The following FAT3 variants were observed in gnomAD, a reference collection of about 807,000 sequenced individuals.
FAT3 encodes the protein FAT atypical cadherin 3.
Under a neutral mutation model 310.2 loss-of-function variants are expected in FAT3, and 95 were observed. That is an observed-to-expected ratio of 0.31 (90% CI 0.26 to 0.36). FAT3 has a LOEUF of 0.36. FAT3 is among the 10% of genes least tolerant of loss of function. The probability of loss-of-function intolerance (pLI) is 1.00; values close to 1 mark genes in which losing one functional copy is unlikely to be tolerated. For synonymous variants in FAT3, 2,314 were observed against 2,192.9 expected, an observed-to-expected ratio of 1.06 and a Z score of -1.54; for missense variants, 5,408 against 5,715.6, an observed-to-expected ratio of 0.95 and a Z score of 1.74.
intron 1 of FAT3, among the ~76,000 whole-genome samples, chr11:92,228,312 TG>T (rs1864009984): frequency 6.6e-6 from 1 of 152,190 alleles, no homozygotes. Flanking sequence ...GGAGTCATTT[TG>T]GGGATTTTTT....
At chr11:92,491,296 C>G (rs1952591658) in intron 2 of FAT3, among the ~76,000 whole-genome samples, 1 of 152,020 alleles carries the variant, frequency 6.6e-6, no homozygotes, top group Non-Finnish European at 1.5e-5. Context: ...TTTGCCACAA[C>G]TGGCCAGGTA....
In FAT3 at chr11:92,866,820, A is replaced by T. The variant is rs1420623122; in HGVS notation, c.11738A>T (p.Asn3913Ile). ...GILGISGRAVNDGSWHSVFLE... is the reference protein window; with the variant it reads ...GILGISGRAVIDGSWHSVFLE... The stretch of plus-strand genomic sequence containing the variant: ...TTGGGCATCTCGGGCCGTGCTGTCA[A>T]CGACGGGAGCTGGCACTCGGTCTTC... Residue 3913 changes from asparagine to isoleucine, a missense_variant, in exon 22 of 28, where the codon AAC becomes ATC. Coordinates refer to ENST00000525166, the MANE Select transcript of FAT3 (RefSeq NM_001367949.2). 1 of 1,613,906 alleles carries T rather than the reference A, an allele frequency of 6.2e-7. No homozygotes were observed.
chr11:92,289,126 C>T (rs2134388188), intron 1 of FAT3, among the ~76,000 whole-genome samples: 1 of 152,054 alleles, frequency 6.6e-6, no homozygotes, highest in East Asian at 1.9e-4. Flanking sequence ...CCTTTTTTGG[C>T]TCATCTATGA....
At chr11:92,480,911 T>C (rs1952206528) in intron 2 of FAT3, among the ~76,000 whole-genome samples, 1 of 152,132 alleles carries the variant, frequency 6.6e-6, no homozygotes, top group Admixed American at 6.5e-5. Context: ...CAAACGTTTG[T>C]TGTGTGAGTG....
intron 4 of FAT3, among the ~76,000 whole-genome samples, chr11:92,761,441 T>C (rs1223938021): frequency 6.6e-6 from 1 of 152,220 alleles, no homozygotes; most frequent in Non-Finnish European, 1.5e-5. Context: ...GACTATAGCA[T>C]GAAGACTGGA....
At chr11:92,247,441 G>C (rs915587571) in intron 1 of FAT3, among the ~76,000 whole-genome samples, 1 of 151,496 alleles carries the variant, frequency 6.6e-6, no homozygotes, top group African/African-American at 2.4e-5. Context: ...TTCACCGCAC[G>C]TTTTCACTCT....
At chr11:92,717,786 AT>A (rs764412199) in intron 4 of FAT3, among the ~76,000 whole-genome samples, 57 of 152,286 alleles carry the variant, frequency 3.7e-4, no homozygotes, top group Non-Finnish European at 7.8e-4. Context: ...GATGAGTAAG[AT>A]TTGGCTCATT....
intron 3 of FAT3, among the ~76,000 whole-genome samples, chr11:92,688,089 C>T (rs1057258402): frequency 1.3e-5 from 2 of 151,890 alleles, no homozygotes. Flanking sequence ...GTAGTCTCAG[C>T]TACTTGGGAG....
intron 4 of FAT3, among the ~76,000 whole-genome samples, chr11:92,720,569 C>T (rs1944832341): frequency 6.6e-6 from 1 of 152,156 alleles, no homozygotes; most frequent in Non-Finnish European, 1.5e-5. Context: ...TGGTGAAGGA[C>T]TTTTGACAGT....
intron 3 of FAT3, among the ~76,000 whole-genome samples, chr11:92,692,275 G>C (rs562656483): frequency 7.9e-4 from 121 of 152,256 alleles, no homozygotes; most frequent in Non-Finnish European, 4.7e-4. Flanking sequence ...ATAACATTGA[G>C]AGTTCTGGAA....
intron 1 of FAT3, among the ~76,000 whole-genome samples, chr11:92,246,290 G>A (rs1169759130): frequency 6.6e-6 from 1 of 152,096 alleles, no homozygotes; most frequent in African/African-American, 2.4e-5. Context: ...ATGCATGTAG[G>A]CAGAGAGGAG....
intron 2 of FAT3, among the ~76,000 whole-genome samples, chr11:92,501,345 T>C (rs542618930): frequency 1.6e-4 from 24 of 152,214 alleles, no homozygotes; most frequent in African/African-American, 5.3e-4. Context: ...TCTGTTTTAA[T>C]TGTGGCTGAG....
At chr11:92,732,490 G>A (rs186460599) in intron 4 of FAT3, among the ~76,000 whole-genome samples, 12 of 152,116 alleles carry the variant, frequency 7.9e-5, no homozygotes, top group Admixed American at 6.6e-4. Context: ...TGCATTTATG[G>A]TTTAATATTT....
At chr11:92,609,735 G>A (rs1409927577) in intron 3 of FAT3, among the ~76,000 whole-genome samples, 2 of 151,886 alleles carry the variant, frequency 1.3e-5, no homozygotes, top group Non-Finnish European at 2.9e-5. Flanking sequence ...TAATATGAAA[G>A]TGTGTGTGTG....
chr11:92,855,217 T>C (rs1454457389), intron 19 of FAT3, among the ~76,000 whole-genome samples: 1 of 152,250 alleles, frequency 6.6e-6, no homozygotes, highest in Non-Finnish European at 1.5e-5. Context: ...GAACTTATTA[T>C]GAATAAACAT....
intron 4 of FAT3, among the ~76,000 whole-genome samples, chr11:92,703,244 A>G (rs1944156782): frequency 6.6e-6 from 1 of 152,230 alleles, no homozygotes; most frequent in Non-Finnish European, 1.5e-5. Context: ...CTTTGCTGAG[A>G]GCACACCCTT....
At position 92,370,516 on chromosome 11, in the gene FAT3, AGG is replaced by A. The variant is rs1949156150; in HGVS notation, c.3292+15113_3292+15114del. Among the ~76,000 whole-genome samples, 4 of 152,308 alleles carry A rather than the reference AGG, an allele frequency of 2.6e-5. No homozygotes were observed. The South Asian group carries it at 8.3e-4, about 32-fold the overall frequency. ...TTAGGTATTTCTTTCTTACACCTTGAGGATACTTCTAATAGAATATTTGGTTA... is the reference window on the plus strand; with the variant it reads ...TTAGGTATTTCTTTCTTACACCTTGAATACTTCTAATAGAATATTTGGTTA... On this transcript the variant is annotated intron_variant, in intron 2 of 27. Coordinates refer to ENST00000525166, the MANE Select transcript of FAT3 (RefSeq NM_001367949.2).
At chr11:92,711,375 G>A (rs1944516085) in intron 4 of FAT3, among the ~76,000 whole-genome samples, 1 of 152,046 alleles carries the variant, frequency 6.6e-6, no homozygotes, top group Non-Finnish European at 1.5e-5. Flanking sequence ...CCTTAAGTAG[G>A]AACCATCTAT....
At chr11:92,635,739 A>G (rs532421708) in intron 3 of FAT3, among the ~76,000 whole-genome samples, 28 of 152,324 alleles carry the variant, frequency 1.8e-4, no homozygotes, top group East Asian at 9.6e-4. Flanking sequence ...TTCTCTTTCA[A>G]TGTAACTGGA....
Sources: gnomAD v4.1 joint callset for allele counts (sites outside exome capture counted in the v4.1 genomes callset) on GRCh38, gnomAD v4.1.1 for gene constraint, MANE v1.5 for transcripts, NCBI Gene and HGNC (gene_info 2026-07-23, HGNC 2026-07-21) for gene names.